LRRC47: variants seen among roughly 807,000 people sequenced by gnomAD.
The protein encoded by LRRC47 is leucine-rich repeat-containing protein 47.
LRRC47 carries 31 observed loss-of-function variants against 40.9 expected under a neutral mutation model. The observed-to-expected ratio is 0.76, with a 90% CI of 0.57 to 1.02. The LOEUF is 1.02. Ranked by LOEUF, LRRC47 falls within the 50% of genes least tolerant of loss-of-function variation. The pLI, the probability that LRRC47 is intolerant of heterozygous loss-of-function variation, is 0.00. For synonymous variants in LRRC47, 427 were observed against 371.9 expected (o/e 1.15, Z -1.70); for missense variants, 726 against 796.1 (o/e 0.91, Z 1.06).
chr1:3,791,103 A>G (rs1178695286), intron 1 of LRRC47, among the ~76,000 whole-genome samples: 2 of 152,086 alleles, frequency 1.3e-5, no homozygotes, highest in African/African-American at 4.8e-5. Context: ...GAGACGACAC[A>G]CGGAGAAGCC....
At chr1:3,794,994 A>G (rs569710976) in intron 1 of LRRC47, among the ~76,000 whole-genome samples, 2 of 148,386 alleles carry the variant, frequency 1.3e-5, no homozygotes, top group Admixed American at 1.4e-4. Flanking sequence ...GCGGAGGTTG[A>G]AGTGAGCCGA....
intron 1 of LRRC47, among the ~76,000 whole-genome samples, chr1:3,794,058 T>G (rs1485408831): frequency 2.0e-5 from 3 of 151,896 alleles, no homozygotes; most frequent in African/African-American, 7.3e-5. Context: ...AGCTGGGTGT[T>G]GTGGCGGGCG....
intron 1 of LRRC47, among the ~76,000 whole-genome samples, chr1:3,790,984 A>G (rs148743477): frequency 4.8e-4 from 73 of 152,340 alleles, no homozygotes; most frequent in African/African-American, 1.7e-3. Context: ...GGAACGCAGG[A>G]AAGTGGCAGG....
chr1:3,796,261 CTGCGCCAGGCCA>C lies in LRRC47; in HGVS notation c.204_215del (p.Ala71_Leu74del). ...CGAGGCTGTGCAGCTGCGGCAGGCC[CTGCGCCAGGCCA>C]GGCCCCGGCGCGCGCAAGCTCCCGC... On this transcript the variant is annotated inframe_deletion, in exon 1 of 7. Transcript: ENST00000378251. 1 of 1,467,578 alleles carries C rather than the reference CTGCGCCAGGCCA, an allele frequency of 6.8e-7. No individual in the cohort carries two copies. The highest frequency in any genetic ancestry group is 8.9e-7 in the Non-Finnish European group (1 of 1,118,450). The allele number at this position is 1,467,578 out of a possible 1,614,324, so 90.9% of individuals were successfully genotyped here.
chr1:3,794,122 G>A (rs1279466536), intron 1 of LRRC47, among the ~76,000 whole-genome samples: 1 of 152,098 alleles, frequency 6.6e-6, no homozygotes, highest in African/African-American at 2.4e-5. Flanking sequence ...GTGAACCCGG[G>A]AGGCGGAGCT....
At chr1:3,793,752 A>G (rs985633814) in intron 1 of LRRC47, among the ~76,000 whole-genome samples, 1 of 152,128 alleles carries the variant, frequency 6.6e-6, no homozygotes, top group African/African-American at 2.4e-5. Context: ...AGCCCCAGCC[A>G]GAAGTGACTC....
chr1:3,784,960 A>T, intron 3 of LRRC47, 127 bp downstream of exon 3: 1 of 532,464 alleles, frequency 1.9e-6, no homozygotes, highest in Non-Finnish European at 3.2e-6. Context: ...GTGCCACTGC[A>T]CTCCAGCCTG....
intron 4 of LRRC47, 76 bp downstream of exon 4, chr1:3,783,920 C>A: frequency 8.0e-7 from 1 of 1,251,646 alleles, no homozygotes; most frequent in Non-Finnish European, 1.1e-6. Flanking sequence ...TCCTGAGGAG[C>A]ACAGACTAAC....
rs771351720 is a variant in LRRC47 at position 3,796,276 on chromosome 1, C to A, written c.201G>T (p.Gly67=). 126 of 1,478,240 alleles carry A rather than the reference C, an allele frequency of 8.5e-5. 1 individual carries two copies. The African/African-American group carries it at 1.6e-3, about 18-fold the overall frequency. 91.6% of individuals were successfully genotyped at this position (1,478,240 alleles called of 1,614,324 possible). ...GCGGCAGGCCCTGCGCCAGGCCAGGCCCCGGCGCGCGCAAGCTCCCGCAGC... is the reference window on the plus strand; with the variant it reads ...GCGGCAGGCCCTGCGCCAGGCCAGGACCCGGCGCGCGCAAGCTCCCGCAGC... ...VSGCGSLRAP[G]PGLAQGLPQL... is the part of the protein sequence containing the mutation. Residue 67 remains glycine, a synonymous_variant, in exon 1 of 7, where the codon GGG becomes GGT. Coordinates refer to ENST00000378251, the MANE Select transcript of LRRC47 (RefSeq NM_020710.3).
chr1:3,787,554 T>G (rs550840565), intron 1 of LRRC47, among the ~76,000 whole-genome samples: 44 of 152,318 alleles, frequency 2.9e-4, no homozygotes, highest in African/African-American at 1.0e-3. Context: ...CGGTTAACAG[T>G]GATCTCTGCA....
chr1:3,787,819 GCAAAGT>G (rs1643590620), intron 1 of LRRC47, among the ~76,000 whole-genome samples: 1 of 152,184 alleles, frequency 6.6e-6, no homozygotes, highest in African/African-American at 2.4e-5. Context: ...ATAATGAAGT[GCAAAGT>G]TGCCCGCAGT....
rs780438173 is a variant in LRRC47 at position 3,787,005 on chromosome 1, C to A, written c.921G>T (p.Leu307=). The A allele has an allele frequency of 1.9e-6, 3 of 1,611,816 alleles. No individual in the cohort carries two copies. Among genetic ancestry groups the A allele is most frequent in the Non-Finnish European group, 2.5e-6 (3 of 1,179,120 alleles). ...EEQDVGDAGR[L]LLRVLHVSEN... is the part of the protein sequence containing the mutation. Reference sequence around the variant, plus strand: ...CAGAGACGTGCAGGACCCTGAGCAGCAGCCGGCCGGCATCTCCCACGTCCT... The same window carrying A: ...CAGAGACGTGCAGGACCCTGAGCAGAAGCCGGCCGGCATCTCCCACGTCCT... The change falls in exon 2 of 7, where the codon CTG becomes CTT. Residue 307 remains leucine (L), a synonymous_variant. Transcript: ENST00000378251.
chr1:3,791,211 T>C (rs935372037), intron 1 of LRRC47, among the ~76,000 whole-genome samples: 1 of 152,158 alleles, frequency 6.6e-6, no homozygotes, highest in Non-Finnish European at 1.5e-5. Flanking sequence ...CTGTTCACTG[T>C]CCACTGTCTG....
chr1:3,781,572 C>T lies in LRRC47; in HGVS notation c.1443G>A (p.Leu481=), dbSNP rs1433927552. Residue 481 remains leucine, a synonymous_variant, in exon 6 of 7, where the codon TTG becomes TTA. Transcript: ENST00000378251. ...KVKKTTSDLF[L]EVTSATSLQI... is the part of the protein sequence containing the mutation. ...GCAGACTGGTGGCACTTGTTACTTC[C>T]AAAAACAAATCAGAAGTCGTTTTCT... 1 of 1,613,778 alleles carries T rather than the reference C, an allele frequency of 6.2e-7. No homozygotes were observed. Among genetic ancestry groups the T allele is most frequent in the Admixed American group, 1.7e-5 (1 of 59,990 alleles).
Position 3,784,064 on chromosome 1 carries a change from C to T in LRRC47, c.1242G>A (p.Arg414=). The T allele has an allele frequency of 6.2e-7, 1 of 1,613,402 alleles. No homozygotes were observed. The highest frequency in any genetic ancestry group is 8.5e-7 in the Non-Finnish European group (1 of 1,179,818). Reference sequence around the variant, plus strand: ...GCTCCTCGGCCTCCAGCTGCAGCTGCCGCACCAGCTCCTTGGCCTTGGCTT... The same window carrying T: ...GCTCCTCGGCCTCCAGCTGCAGCTGTCGCACCAGCTCCTTGGCCTTGGCTT... ...RKEAKAKELV[R]QLQLEAEEQR... The change falls in exon 4 of 7, where the codon CGG becomes CGA. Residue 414 remains arginine, a synonymous_variant. Coordinates refer to ENST00000378251, the MANE Select transcript of LRRC47 (RefSeq NM_020710.3).
At position 3,785,110 on chromosome 1, in the gene LRRC47, C is replaced by T. The variant is rs1270851226; in HGVS notation, c.1171G>A (p.Ala391Thr). 5 of 1,599,708 alleles carry T rather than the reference C, an allele frequency of 3.1e-6. No individual in the cohort carries two copies. The highest frequency in any genetic ancestry group is 2.3e-5 in the East Asian group (1 of 43,236). The change falls in exon 3 of 7, where the codon GCC (alanine) becomes ACC (threonine). Residue 391 changes from alanine to threonine, a missense_variant. Physicochemically the swap from Ala to Thr is moderately conservative, Grantham distance 58. Coordinates refer to ENST00000378251, the MANE Select transcript of LRRC47 (RefSeq NM_020710.3). ...RAVKGPLLYC[A>T]RPPQDLKIVP... is the part of the protein sequence containing the mutation. ...ACCTTGAGGTCCTGTGGGGGCCGGG[C>T]GCAGTACAGCAGGGGCCCTTTGACG...
intron 6 of LRRC47, 21 bp downstream of exon 6, chr1:3,781,488 CAGG>C: frequency 6.2e-7 from 1 of 1,609,282 alleles, no homozygotes. Flanking sequence ...AAGCGTTTCT[CAGG>C]AGGAGCCACC....
At chr1:3,795,266 G>A (rs1183858720) in intron 1 of LRRC47, among the ~76,000 whole-genome samples, 1 of 152,112 alleles carries the variant, frequency 6.6e-6, no homozygotes, top group Non-Finnish European at 1.5e-5. Context: ...TTATCGCGGG[G>A]CCTGGGGATC....
At chr1:3,789,426 C>T (rs527973419) in intron 1 of LRRC47, among the ~76,000 whole-genome samples, 5 of 152,268 alleles carry the variant, frequency 3.3e-5, no homozygotes, top group African/African-American at 7.2e-5. Context: ...CCTGCAAACA[C>T]GCAGTGCGGC....
Sources: gnomAD v4.1 joint callset for allele counts (sites outside exome capture counted in the v4.1 genomes callset) on GRCh38, gnomAD v4.1.1 for gene constraint, MANE v1.5 for transcripts, NCBI Gene and HGNC (gene_info 2026-07-23, HGNC 2026-07-21) for gene names.